The following TJAP1 variants were observed in gnomAD, a reference collection of about 807,000 sequenced individuals.
TJAP1 encodes tight junction associated protein 1, also known as tight junction-associated protein 1.
In TJAP1, 27 loss-of-function variants were observed where a neutral mutation model predicts 42.0. That is an observed-to-expected ratio of 0.64 (90% CI 0.47 to 0.89). The LOEUF (loss-of-function observed/expected upper bound fraction) is 0.89, where lower values mean the gene tolerates loss of function less well. Ranked by LOEUF, TJAP1 falls within the 40% of genes least tolerant of loss-of-function variation. The pLI is 0.00. For synonymous variants in TJAP1, 257 were observed against 288.4 expected (o/e 0.89, Z 1.10); for missense variants, 712 against 726.9 (o/e 0.98, Z 0.24).
chr6:43,502,417 C>T (rs1791140695), intron 7 of TJAP1, 68 bp downstream of exon 7: 2 of 1,567,594 alleles, frequency 1.3e-6, no homozygotes, highest in Non-Finnish European at 1.7e-6. Context: ...CAGGATTTGC[C>T]AGGGGAATGC....
Position 43,481,648 on chromosome 6 carries a change from A to C in TJAP1, c.-122+3416A>C, listed in dbSNP as rs915316805. Among the ~76,000 whole-genome samples, 8 of 151,648 alleles carry C rather than the reference A, an allele frequency of 5.3e-5. 1 individual carries two copies. Among genetic ancestry groups the C allele is most frequent in the Admixed American group, 5.2e-4 (8 of 15,264 alleles). ...TCCCCTCAGCTGAATGGGAAAATAGAAAACAAATGTGCTGCTGAAGCCTAT... is the reference window on the plus strand; with the variant it reads ...TCCCCTCAGCTGAATGGGAAAATAGCAAACAAATGTGCTGCTGAAGCCTAT... On this transcript the variant is annotated intron_variant, in intron 2 of 10. Transcript: ENST00000372449.
chr6:43,491,579 T>G lies in TJAP1; in HGVS notation c.-121-6302T>G, dbSNP rs1787846018. ...TGTTGGGATTACAGGTATGAGCCAC[T>G]GTGCCTGGCCCGATGAGAAATATCT... On this transcript the variant is annotated intron_variant, in intron 2 of 10. Transcript: ENST00000372449. The surrounding 1 kb of genome is among the most constrained non-coding windows in gnomAD (Gnocchi z 4.6). Among the ~76,000 whole-genome samples, 1 of 152,216 alleles carries G rather than the reference T, an allele frequency of 6.6e-6. No homozygotes were observed. The highest frequency in any genetic ancestry group is 1.5e-5 in the Non-Finnish European group (1 of 68,048).
At chr6:43,501,197 C>A in intron 5 of TJAP1, 1 of 375,752 alleles carries the variant, frequency 2.7e-6, no homozygotes, top group Non-Finnish European at 4.8e-6. Context: ...GCTTGGTGGC[C>A]AGCTGACATG....
In TJAP1 at chr6:43,492,245, C is replaced by G. The variant is rs973170767; in HGVS notation, c.-121-5636C>G. 1.3e-5 allele frequency among the ~76,000 whole-genome samples: 2 copies of G among 152,170 alleles called. No individual in the cohort carries two copies. The highest frequency in any genetic ancestry group is 3.9e-4 in the East Asian group (2 of 5,194). Reference sequence around the variant, plus strand: ...GCTTTGGGGCAGAATAATTCCCACTCTTTTTGGCTTTCAAAACCCTGTCAA... The same window carrying G: ...GCTTTGGGGCAGAATAATTCCCACTGTTTTTGGCTTTCAAAACCCTGTCAA... On this transcript the variant is annotated intron_variant, in intron 2 of 10. Coordinates refer to ENST00000372449, the Ensembl canonical transcript of TJAP1. This position sits in a 1 kb window ranked among gnomAD's most constrained non-coding sequence, Gnocchi z 4.2.
intron 2 of TJAP1, among the ~76,000 whole-genome samples, chr6:43,494,116 G>A (rs1788467304): frequency 1.3e-5 from 2 of 152,184 alleles, no homozygotes; most frequent in South Asian, 4.1e-4. Context: ...CCCATGGGCT[G>A]TAATCAGGGA....
At chr6:43,493,421 A>G (rs1361085712) in intron 2 of TJAP1, among the ~76,000 whole-genome samples, 2 of 152,204 alleles carry the variant, frequency 1.3e-5, no homozygotes, top group Non-Finnish European at 2.9e-5. Context: ...TAGCTGCTCC[A>G]GGATCAGGAG....
Position 43,505,417 on chromosome 6 carries a change from C to T in TJAP1, c.1236C>T (p.Val412=). ...CCAGCTCTGAAGAGGACCTGCTGGT[C>T]AGCTGGCAGCGGGCATTTGTGGACC... The change falls in exon 11 of 11, where the codon GTC becomes GTT. Residue 412 remains valine (V), a synonymous_variant. Coordinates refer to ENST00000372449, the Ensembl canonical transcript of TJAP1. The surrounding 1 kb of genome is among the most constrained non-coding windows in gnomAD (Gnocchi z 5.5). The T allele has an allele frequency of 1.2e-6, 2 of 1,612,604 alleles. No individual in the cohort carries two copies. Among genetic ancestry groups the T allele is most frequent in the Non-Finnish European group, 1.7e-6 (2 of 1,179,982 alleles).
intron 4 of TJAP1, among the ~76,000 whole-genome samples, chr6:43,499,527 C>T (rs1020414704): frequency 2.6e-5 from 4 of 152,356 alleles, no homozygotes; most frequent in Non-Finnish European, 4.4e-5. Flanking sequence ...TCTTCATTGT[C>T]CCCAGGAAGT....
rs774728716 is a variant in TJAP1, at chr6:43,505,199, C to T, written c.1018C>T (p.Arg340Trp). ...AATAGAGTTCTCTGAGGATAAGGTT[C>T]GGATCCCCCGCAACAGCCCCCTGCC... is the stretch of plus-strand genomic sequence containing the variant. Residue 340 changes from arginine to tryptophan, a missense_variant, in exon 11 of 11, where the codon CGG becomes TGG. Arg to Trp is a moderately radical substitution (Grantham distance 101). Transcript: ENST00000372449. The surrounding 1 kb of genome is among the most constrained non-coding windows in gnomAD (Gnocchi z 5.5). The T allele has an allele frequency of 3.8e-5, 62 of 1,614,172 alleles. No homozygotes were observed. Among genetic ancestry groups the T allele is most frequent in the Middle Eastern group, 1.6e-4 (1 of 6,062 alleles).
At chr6:43,479,238 T>G (rs1784816832) in intron 2 of TJAP1, among the ~76,000 whole-genome samples, 1 of 152,178 alleles carries the variant, frequency 6.6e-6, no homozygotes, top group African/African-American at 2.4e-5. Flanking sequence ...ACTAGGATGG[T>G]TTGATCTAGA....
chr6:43,504,115 CT>C (rs869310556), intron 10 of TJAP1: 28,668 of 254,032 alleles, frequency 0.11, 1 homozygote, highest in South Asian at 0.2. Flanking sequence ...AGAGGTATTT[CT>C]TTTTTTTTTT....
rs745928137 is a variant in TJAP1 at position 43,502,357 on chromosome 6, G to C, written c.357+8G>C. On this transcript the variant is annotated splice_region_variant and intron_variant, in intron 7 of 10. Coordinates refer to ENST00000372449, the Ensembl canonical transcript of TJAP1. ...GACAAGCTGCACACACTGGTAATCT[G>C]TCTGGGAGGGCAGCTTGGTGGGCAC... The C allele has an allele frequency of 6.2e-7, 1 of 1,613,264 alleles. No homozygotes were observed. The highest frequency in any genetic ancestry group is 1.7e-4 in the Middle Eastern group (1 of 5,742).
Position 43,495,348 on chromosome 6 carries a change from G to A in TJAP1, c.-121-2533G>A, listed in dbSNP as rs934018515. ...TCAAGGACTGTGGGCTGCCAGGCCC[G>A]TTGTATTCCTGTTCATTGCTGGAAC... On this transcript the variant is annotated intron_variant, in intron 2 of 10. Coordinates refer to ENST00000372449, the Ensembl canonical transcript of TJAP1. This position sits in a 1 kb window ranked among gnomAD's most constrained non-coding sequence, Gnocchi z 4.6. Among the ~76,000 whole-genome samples, 2 of 152,234 alleles carry A rather than the reference G, an allele frequency of 1.3e-5. No individual in the cohort carries two copies. Among genetic ancestry groups the A allele is most frequent in the African/African-American group, 4.8e-5 (2 of 41,472 alleles).
chr6:43,489,288 T>C (rs1043739088), intron 2 of TJAP1, among the ~76,000 whole-genome samples: 1 of 152,136 alleles, frequency 6.6e-6, no homozygotes, highest in Non-Finnish European at 1.5e-5. Flanking sequence ...GTGTTGCTTG[T>C]TCTGAGAGGG....
chr6:43,480,567 G>A (rs1405073035), intron 2 of TJAP1, among the ~76,000 whole-genome samples: 6 of 151,992 alleles, frequency 3.9e-5, no homozygotes, highest in South Asian at 4.2e-4. Flanking sequence ...CGCCCAGGCC[G>A]GAGTGCAATG....
At position 43,502,074 on chromosome 6, in the gene TJAP1, A is replaced by ACTCTCTCTCTCTCT. The variant is rs1419078417; in HGVS notation, c.291-208_291-207insTCTCTCTCTCTCTC. Among the ~76,000 whole-genome samples the ACTCTCTCTCTCTCT allele has an allele frequency of 3.2e-4, 30 of 94,742 alleles. 3 individuals carry two copies. The highest frequency in any genetic ancestry group is 1.4e-3 in the African/African-American group (25 of 18,206). 62.2% of individuals were successfully genotyped at this position (94,742 alleles called of 152,430 possible). A position where few individuals can be genotyped will look rare whatever the true frequency, so the allele number is the denominator to read the frequency against. On this transcript the variant is annotated intron_variant, in intron 6 of 10. Coordinates refer to ENST00000372449, the Ensembl canonical transcript of TJAP1. ...CACACACACACACACACACACACAC[A>ACTCTCTCTCTCTCT]CACTCTCTCTCTCTCTCTCTCTCTC...
chr6:43,502,823 A>G (rs1268854674), intron 8 of TJAP1: 3 of 641,706 alleles, frequency 4.7e-6, no homozygotes, highest in East Asian at 2.8e-5. Context: ...GCTCTGGTAG[A>G]GGTACTGATT....
chr6:43,494,668 T>TTTG (rs1187014367), intron 2 of TJAP1, among the ~76,000 whole-genome samples: 3 of 150,234 alleles, frequency 2.0e-5, no homozygotes, highest in Non-Finnish European at 4.4e-5. Flanking sequence ...TTTTTTTTTT[T>TTTG]TGAGACGGAG....
exon 9 of TJAP1, chr6:43,503,489 A>C (rs770384098): frequency 4.3e-6 from 7 of 1,614,012 alleles, no homozygotes; most frequent in Non-Finnish European, 5.9e-6. Flanking sequence ...AACACCATCA[A>C]CAAGCTGGAA....
Sources: allele counts gnomAD v4.1 joint callset (sites outside exome capture counted in the v4.1 genomes callset), GRCh38; gene constraint gnomAD v4.1.1; non-coding constraint Gnocchi (gnomAD v3.1); transcripts MANE v1.5; gene names NCBI Gene and HGNC (gene_info 2026-07-23, HGNC 2026-07-21).